Variants in TNFAIP8 observed in about 807,000 individuals in gnomAD.
TNFAIP8 encodes the protein tumor necrosis factor alpha-induced protein 8.
In TNFAIP8, 7 loss-of-function variants were observed where a neutral mutation model predicts 13.3. The ratio of observed to expected loss-of-function variants is 0.52; its 90% CI spans 0.30 to 0.99. The LOEUF is 0.99. TNFAIP8 is among the 50% of genes least tolerant of loss of function. TNFAIP8 has a pLI of 0.07. For synonymous variants in TNFAIP8, 94 were observed against 87.6 expected (o/e 1.07, Z -0.41); for missense variants, 258 against 236.9 (o/e 1.09, Z -0.58).
chr5:119,297,751 G>C (rs1749223749), intron 1 of TNFAIP8, among the ~76,000 whole-genome samples: 1 of 152,148 alleles, frequency 6.6e-6, no homozygotes. Flanking sequence ...AAGTCTCTTT[G>C]TAGGTCACTC....
chr5:119,288,561 G>T (rs1230471214), intron 1 of TNFAIP8, among the ~76,000 whole-genome samples: 2 of 152,176 alleles, frequency 1.3e-5, no homozygotes, highest in Non-Finnish European at 2.9e-5. Context: ...TCAAGCAATG[G>T]CTCTTTATTT....
intron 1 of TNFAIP8, among the ~76,000 whole-genome samples, chr5:119,296,040 G>T (rs900238347): frequency 6.7e-6 from 1 of 149,826 alleles, no homozygotes; most frequent in Non-Finnish European, 1.5e-5. Flanking sequence ...AGACAATGGG[G>T]TTTTCTAGAT....
At chr5:119,338,855 A>G (rs1299875786) in intron 1 of TNFAIP8, among the ~76,000 whole-genome samples, 1 of 152,176 alleles carries the variant, frequency 6.6e-6, no homozygotes, top group Non-Finnish European at 1.5e-5. Flanking sequence ...CTTGGGCAAC[A>G]TCGTGAGACT....
At chr5:119,324,854 A>G (rs1354424495) in intron 1 of TNFAIP8, among the ~76,000 whole-genome samples, 1 of 152,090 alleles carries the variant, frequency 6.6e-6, no homozygotes, top group African/African-American at 2.4e-5. Context: ...ATATGGCTTA[A>G]TATAATTTCT....
chr5:119,298,801 C>T (rs1312470181), intron 1 of TNFAIP8, among the ~76,000 whole-genome samples: 1 of 152,012 alleles, frequency 6.6e-6, no homozygotes, highest in African/African-American at 2.4e-5. Context: ...AGGCTTTGTT[C>T]GTTTCTTTTT....
intron 1 of TNFAIP8, among the ~76,000 whole-genome samples, chr5:119,377,673 T>C (rs536094069): frequency 8.0e-4 from 122 of 152,318 alleles, no homozygotes; most frequent in Non-Finnish European, 1.5e-3. Context: ...AAACAAATCA[T>C]GATCACTCTT....
At chr5:119,289,301 T>C (rs997552630) in intron 1 of TNFAIP8, among the ~76,000 whole-genome samples, 4 of 148,012 alleles carry the variant, frequency 2.7e-5, no homozygotes, top group African/African-American at 1.0e-4. Flanking sequence ...AAAAGATTGG[T>C]CCAGGTTTGT....
chr5:119,309,403 AC>A (rs1479011105), intron 1 of TNFAIP8, among the ~76,000 whole-genome samples: 3 of 152,030 alleles, frequency 2.0e-5, no homozygotes, highest in Admixed American at 2.0e-4. Context: ...TGGTTTCTGG[AC>A]CCTTTTGAGA....
intron 1 of TNFAIP8, among the ~76,000 whole-genome samples, chr5:119,309,565 T>C (rs1278475595): frequency 6.6e-6 from 1 of 152,060 alleles, no homozygotes; most frequent in African/African-American, 2.4e-5. Flanking sequence ...AAGACTATAA[T>C]GAAAAGATAA....
At chr5:119,357,229 G>GT (rs1301880534) in intron 1 of TNFAIP8, among the ~76,000 whole-genome samples, 2 of 152,180 alleles carry the variant, frequency 1.3e-5, no homozygotes, top group African/African-American at 4.8e-5. Context: ...AAGGAGGTTT[G>GT]TTTAATAGAA....
chr5:119,281,306 A>ACACACACACACACACACACACACACTCT, intron 1 of TNFAIP8, among the ~76,000 whole-genome samples: 59 of 114,212 alleles, frequency 5.2e-4, no homozygotes, highest in Middle Eastern at 4.5e-3. Context: ...ACACACACAC[A>ACACACACACACACACACACACACACTCT]CTCTCTCTCT....
At chr5:119,276,469 T>C (rs1748453539) in intron 1 of TNFAIP8, among the ~76,000 whole-genome samples, 1 of 152,162 alleles carries the variant, frequency 6.6e-6, no homozygotes, top group African/African-American at 2.4e-5. Context: ...GTGTTCTATA[T>C]AAGTGTATTA....
chr5:119,314,898 A>AT (rs892288090), intron 1 of TNFAIP8, among the ~76,000 whole-genome samples: 12 of 151,706 alleles, frequency 7.9e-5, no homozygotes, highest in Admixed American at 1.3e-4. Flanking sequence ...CCAATTATTT[A>AT]TTTTTTTTCA....
Position 119,397,120 on chromosome 5 carries a change from T to G in TNFAIP8, c.*3739T>G, listed in dbSNP as rs1445276962. 2 of 118,210 alleles carry G rather than the reference T, an allele frequency of 1.7e-5. No individual in the cohort carries two copies. The highest frequency in any genetic ancestry group is 8.5e-5 in the Admixed American group (1 of 11,708). 7.3% of individuals were successfully genotyped at this position (118,210 alleles called of 1,614,324 possible). A position where few individuals can be genotyped will look rare whatever the true frequency, so the allele number is the denominator to read the frequency against. ...CTGGAAAGTTCTTTTTCTCCCACCA[T>G]GTGAATACACACACACACACACACA... On this transcript the variant is annotated 3_prime_UTR_variant, in exon 2 of 2. Coordinates refer to ENST00000504771, the MANE Select transcript of TNFAIP8 (RefSeq NM_014350.4).
chr5:119,360,035 A>G (rs1446819179), intron 1 of TNFAIP8, among the ~76,000 whole-genome samples: 1 of 152,234 alleles, frequency 6.6e-6, no homozygotes, highest in Admixed American at 6.5e-5. Context: ...GCATTGCCAG[A>G]CACCTCCAGC....
chr5:119,300,310 T>G (rs1749346061), intron 1 of TNFAIP8, among the ~76,000 whole-genome samples: 1 of 152,226 alleles, frequency 6.6e-6, no homozygotes, highest in Admixed American at 6.5e-5. Context: ...AATCACATCC[T>G]CAGAAAGAAG....
chr5:119,321,166 G>A (rs574917773), intron 1 of TNFAIP8, among the ~76,000 whole-genome samples: 6 of 152,200 alleles, frequency 3.9e-5, no homozygotes, highest in East Asian at 3.9e-4. Flanking sequence ...GCAGTGAGCC[G>A]AGATCGAGCC....
intron 1 of TNFAIP8, among the ~76,000 whole-genome samples, chr5:119,315,401 C>G (rs1431270355): frequency 6.6e-6 from 1 of 152,142 alleles, no homozygotes; most frequent in Admixed American, 6.5e-5. Context: ...ACTGATAATT[C>G]TTATTCCTGA....
At position 119,302,604 on chromosome 5, in the gene TNFAIP8, C is replaced by T. The variant is rs186815131; in HGVS notation, c.1+33697C>T. Reference sequence around the variant, plus strand: ...CATCATCTTCTGCCACTCCTTTTACCCCACAGTCTTTCAGTGGACATTTCG... The same window carrying T: ...CATCATCTTCTGCCACTCCTTTTACTCCACAGTCTTTCAGTGGACATTTCG... On this transcript the variant is annotated intron_variant, in intron 1 of 1. Coordinates refer to the TNFAIP8 transcript ENST00000274456. 3.3e-5 allele frequency among the ~76,000 whole-genome samples: 5 copies of T among 152,188 alleles called. No homozygotes were observed. The East Asian group carries it at 9.7e-4, about 29-fold the overall frequency.
Sources: gnomAD v4.1 joint callset for allele counts (sites outside exome capture counted in the v4.1 genomes callset) on GRCh38, gnomAD v4.1.1 for gene constraint, MANE v1.5 for transcripts, NCBI Gene and HGNC (gene_info 2026-07-23, HGNC 2026-07-21) for gene names.